The following EYA1 variants were observed in gnomAD, a reference collection of about 807,000 sequenced individuals.
The protein encoded by EYA1 is EYA transcriptional coactivator and phosphatase 1.
EYA1 carries 16 observed loss-of-function variants against 82.0 expected under a neutral mutation model. The ratio of observed to expected loss-of-function variants is 0.20; its 90% confidence interval spans 0.13 to 0.30. The LOEUF (loss-of-function observed/expected upper bound fraction) is 0.30, where lower values mean the gene tolerates loss of function less well. EYA1 is among the 10% of genes least tolerant of loss of function. The pLI is 1.00. For synonymous variants in EYA1, 261 were observed against 264.4 expected (o/e 0.99, Z 0.12); for missense variants, 633 against 730.7 (o/e 0.87, Z 1.54).
chr8:71,343,572 G>A lies in EYA1; in HGVS notation c.125-9398C>T, dbSNP rs1825389360. ...ATGGCCTCCCCATGTGACACTCTGT[G>A]CCACCTTGGAACTCTATAGAGAGTC... On this transcript the variant is annotated intron_variant, in intron 3 of 17. Transcript: ENST00000340726. Among the ~76,000 whole-genome samples the A allele has an allele frequency of 2.6e-5, 4 of 152,246 alleles. No homozygotes were observed. The South Asian group carries it at 8.3e-4, about 32-fold the overall frequency.
intron 2 of EYA1, among the ~76,000 whole-genome samples, chr8:71,393,291 T>TTTA (rs562269826): frequency 1.1e-3 from 165 of 151,244 alleles, no homozygotes; most frequent in Middle Eastern, 3.5e-3. Flanking sequence ...GTAATTTTCT[T>TTTA]TTATTATTAT....
At chr8:71,333,130 A>C (rs984750201) in intron 4 of EYA1, among the ~76,000 whole-genome samples, 3 of 152,210 alleles carry the variant, frequency 2.0e-5, no homozygotes, top group Non-Finnish European at 4.4e-5. Context: ...TGAAGTCAGC[A>C]TGGCACCAAC....
intron 9 of EYA1, among the ~76,000 whole-genome samples, chr8:71,288,207 T>C (rs1357966597): frequency 6.6e-6 from 1 of 152,184 alleles, no homozygotes; most frequent in Non-Finnish European, 1.5e-5. Context: ...CAATTCTCAA[T>C]GAGTACTGTC....
rs993815535 is a variant in EYA1, at chr8:71,546,821, T to C, written c.-73+1043A>G. Among the ~76,000 whole-genome samples the C allele has an allele frequency of 3.9e-5, 6 of 152,276 alleles. No individual in the cohort carries two copies. The South Asian group carries it at 8.3e-4, about 21-fold the overall frequency. Reference sequence around the variant, plus strand: ...GCCTGGCCCGATTCTTTTGAATATATAATCAATTCACGCTTCATGACACAT... The same window carrying C: ...GCCTGGCCCGATTCTTTTGAATATACAATCAATTCACGCTTCATGACACAT... On this transcript the variant is annotated intron_variant, in intron 1 of 18. Coordinates refer to the EYA1 transcript ENST00000643681.
chr8:71,539,353 C>T (rs1814966255), intron 1 of EYA1, among the ~76,000 whole-genome samples: 1 of 152,152 alleles, frequency 6.6e-6, no homozygotes, highest in South Asian at 2.1e-4. Flanking sequence ...TGGCATGCAG[C>T]CCCTTCCAAG....
chr8:71,381,483 G>A (rs1268757211), intron 2 of EYA1, among the ~76,000 whole-genome samples: 1 of 152,194 alleles, frequency 6.6e-6, no homozygotes, highest in Non-Finnish European at 1.5e-5. Flanking sequence ...ATAACCAGGG[G>A]TCAGGCTGAA....
chr8:71,366,445 A>G (rs1278801540), upstream of EYA1, among the ~76,000 whole-genome samples: 1 of 152,282 alleles, frequency 6.6e-6, no homozygotes, highest in South Asian at 2.1e-4. Flanking sequence ...TTCTGTTGAC[A>G]TGAAGCAACC....
intron 16 of EYA1, among the ~76,000 whole-genome samples, chr8:71,213,970 T>C (rs573393265): frequency 6.6e-6 from 1 of 152,306 alleles, no homozygotes; most frequent in Non-Finnish European, 1.5e-5. Context: ...TCCTCAAGAT[T>C]ATTACAGTAT....
chr8:71,468,760 A>G (rs1404908645), intron 2 of EYA1, among the ~76,000 whole-genome samples: 1 of 152,058 alleles, frequency 6.6e-6, no homozygotes, highest in Non-Finnish European at 1.5e-5. Context: ...AACTTTCCCT[A>G]CTGCCCCAGC....
At chr8:71,251,571 G>T (rs969859844) in intron 11 of EYA1, among the ~76,000 whole-genome samples, 1 of 152,240 alleles carries the variant, frequency 6.6e-6, no homozygotes, top group East Asian at 1.9e-4. Context: ...GTACATCAAA[G>T]GCAAATTATG....
intron 6 of EYA1, among the ~76,000 whole-genome samples, chr8:71,320,298 A>G (rs1822395886): frequency 6.6e-6 from 1 of 152,210 alleles, no homozygotes; most frequent in African/African-American, 2.4e-5. Flanking sequence ...TTCCAATGGC[A>G]GCACTGGTAG....
intron 12 of EYA1, among the ~76,000 whole-genome samples, chr8:71,242,768 T>A (rs1398202273): frequency 4.1e-5 from 6 of 147,948 alleles, no homozygotes. Context: ...AAGCAAGTTT[T>A]GGCACTTTTT....
At chr8:71,344,594 T>G (rs937728662) in intron 3 of EYA1, among the ~76,000 whole-genome samples, 1 of 152,246 alleles carries the variant, frequency 6.6e-6, no homozygotes, top group Non-Finnish European at 1.5e-5. Flanking sequence ...TTGCCATATC[T>G]TTTGTAAATC....
chr8:71,359,969 A>G (rs1827228770), intron 1 of EYA1, among the ~76,000 whole-genome samples: 1 of 152,190 alleles, frequency 6.6e-6, no homozygotes, highest in Non-Finnish European at 1.5e-5. Flanking sequence ...CTCAATCGAT[A>G]TCTCCAACTA....
At chr8:71,296,314 C>T (rs1301435572) in intron 9 of EYA1, among the ~76,000 whole-genome samples, 2 of 151,662 alleles carry the variant, frequency 1.3e-5, no homozygotes, top group African/African-American at 4.9e-5. Flanking sequence ...TAATACTGCA[C>T]ACCATCACAG....
intron 3 of EYA1, among the ~76,000 whole-genome samples, chr8:71,338,947 A>G (rs1486509207): frequency 6.6e-6 from 1 of 152,082 alleles, no homozygotes; most frequent in Non-Finnish European, 1.5e-5. Flanking sequence ...GTTTCCTACT[A>G]TATTATGCAG....
At chr8:71,293,110 T>C (rs773942335) in intron 9 of EYA1, among the ~76,000 whole-genome samples, 1 of 152,096 alleles carries the variant, frequency 6.6e-6, no homozygotes, top group Non-Finnish European at 1.5e-5. Flanking sequence ...ACAGCCATCA[T>C]TAGCAATCCC....
At position 71,198,512 on chromosome 8, in the gene EYA1, G is replaced by A. The variant is rs1157295493; in HGVS notation, c.*828C>T. On this transcript the variant is annotated 3_prime_UTR_variant, in exon 18 of 18. Transcript: ENST00000340726. Reference sequence around the variant, plus strand: ...AGGCACGGCACATGAATTTGTGCACGTGCTGCCTCATGCTTCACTATCCAG... The same window carrying A: ...AGGCACGGCACATGAATTTGTGCACATGCTGCCTCATGCTTCACTATCCAG... 1 of 152,036 alleles carries A rather than the reference G, an allele frequency of 6.6e-6. No homozygotes were observed. The highest frequency in any genetic ancestry group is 2.1e-4 in the South Asian group (1 of 4,808). The allele number at this position is 152,036 out of a possible 1,614,324, so 9.4% of individuals were successfully genotyped here. A position where few individuals can be genotyped will look rare whatever the true frequency, so the allele number is the denominator to read the frequency against.
At chr8:71,271,059 G>T (rs568658204) in intron 10 of EYA1, among the ~76,000 whole-genome samples, 1 of 152,142 alleles carries the variant, frequency 6.6e-6, no homozygotes, top group Non-Finnish European at 1.5e-5. Context: ...GCAGTGAGCC[G>T]AGATCACGCC....
Sources: gnomAD v4.1 joint callset for allele counts (sites outside exome capture counted in the v4.1 genomes callset) on GRCh38, gnomAD v4.1.1 for gene constraint, MANE v1.5 for transcripts, NCBI Gene and HGNC (gene_info 2026-07-23, HGNC 2026-07-21) for gene names.